Variants in IRAK2 observed in about 807,000 individuals in gnomAD.
IRAK2 encodes interleukin-1 receptor-associated kinase-like 2.
In IRAK2, 57 loss-of-function variants were observed where a neutral mutation model predicts 72.0. The observed-to-expected ratio is 0.79, with a 90% CI of 0.64 to 0.99. IRAK2 has a LOEUF of 0.99. Ranked by LOEUF, IRAK2 falls within the 50% of genes least tolerant of loss-of-function variation. The pLI is 0.00. For synonymous variants in IRAK2, 293 were observed against 312.7 expected, an observed-to-expected ratio of 0.94 and a Z score of 0.67; for missense variants, 790 against 794.4, an observed-to-expected ratio of 0.99 and a Z score of 0.07.
chr3:10,210,615 G>A (rs1559447958), intron 4 of IRAK2, among the ~76,000 whole-genome samples: 1 of 151,732 alleles, frequency 6.6e-6, no homozygotes, highest in Admixed American at 6.6e-5. Context: ...TCCCAGGTGT[G>A]GTGTCACATG....
At chr3:10,213,944 T>A (rs1276477759) in intron 6 of IRAK2, among the ~76,000 whole-genome samples, 1 of 152,128 alleles carries the variant, frequency 6.6e-6, no homozygotes, top group East Asian at 1.9e-4. Context: ...TTTTTTGTTT[T>A]TTGAGACAGA....
chr3:10,191,563 C>T (rs534766822), intron 2 of IRAK2, among the ~76,000 whole-genome samples: 75 of 152,150 alleles, frequency 4.9e-4, no homozygotes, highest in Admixed American at 2.1e-3. Context: ...CCTTCACTTG[C>T]GGGGATATGC....
intron 2 of IRAK2, among the ~76,000 whole-genome samples, chr3:10,186,719 A>G (rs554918728): frequency 3.5e-4 from 53 of 151,074 alleles, no homozygotes; most frequent in Admixed American, 9.9e-4. Context: ...GAGATCCCCC[A>G]AGATGGGGAT....
intron 10 of IRAK2, among the ~76,000 whole-genome samples, chr3:10,231,203 T>C (rs938136468): frequency 1.3e-5 from 2 of 152,168 alleles, no homozygotes; most frequent in African/African-American, 4.8e-5. Context: ...TAGCAGAAAA[T>C]AATATAATCC....
intron 1 of IRAK2, among the ~76,000 whole-genome samples, chr3:10,175,976 G>C (rs576943408): frequency 9.8e-4 from 147 of 150,622 alleles, no homozygotes; most frequent in African/African-American, 2.8e-3. Flanking sequence ...CATCTATGTA[G>C]AGGGGGTGAT....
At chr3:10,198,797 A>G (rs990532251) in intron 2 of IRAK2, among the ~76,000 whole-genome samples, 2 of 151,982 alleles carry the variant, frequency 1.3e-5, no homozygotes, top group African/African-American at 4.8e-5. Context: ...TCCCAGCCCT[A>G]CCTGGGACAT....
intron 11 of IRAK2, among the ~76,000 whole-genome samples, chr3:10,234,943 C>G (rs938408739): frequency 6.6e-6 from 1 of 152,208 alleles, no homozygotes; most frequent in Non-Finnish European, 1.5e-5. Flanking sequence ...TCTCTATAGG[C>G]CCCTTCCCCT....
chr3:10,165,697 T>C (rs2125137315), intron 1 of IRAK2, among the ~76,000 whole-genome samples: 1 of 145,758 alleles, frequency 6.9e-6, no homozygotes, highest in Non-Finnish European at 1.5e-5. Flanking sequence ...GGTTTCACCA[T>C]GTTGGCCAGA....
At chr3:10,190,926 A>C (rs1386553522) in intron 2 of IRAK2, among the ~76,000 whole-genome samples, 1 of 152,140 alleles carries the variant, frequency 6.6e-6, no homozygotes, top group Non-Finnish European at 1.5e-5. Flanking sequence ...GTGGCTGGGG[A>C]AGAGAGGGTT....
intron 2 of IRAK2, among the ~76,000 whole-genome samples, chr3:10,197,054 T>C (rs1167024822): frequency 2.0e-5 from 3 of 152,038 alleles, no homozygotes; most frequent in African/African-American, 7.2e-5. Flanking sequence ...AATTCTATGA[T>C]ATGAATAAAT....
intron 2 of IRAK2, among the ~76,000 whole-genome samples, chr3:10,186,936 A>G (rs1697084971): frequency 6.7e-6 from 1 of 149,250 alleles, no homozygotes; most frequent in Admixed American, 6.6e-5. Context: ...AGTAGCTAGG[A>G]CTATAAGTGC....
At chr3:10,239,368 C>T (rs537802847) in intron 12 of IRAK2, among the ~76,000 whole-genome samples, 4 of 152,296 alleles carry the variant, frequency 2.6e-5, no homozygotes, top group African/African-American at 7.2e-5. Flanking sequence ...ATCCTGGCCC[C>T]TCCCTCACTA....
intron 2 of IRAK2, among the ~76,000 whole-genome samples, chr3:10,189,253 G>T (rs757989147): frequency 9.2e-5 from 14 of 152,192 alleles, no homozygotes; most frequent in Non-Finnish European, 1.5e-4. Context: ...AGTGGACCAA[G>T]AAGTGAAGGA....
At chr3:10,241,635 G>A (rs867321674) in intron 12 of IRAK2, among the ~76,000 whole-genome samples, 6 of 150,946 alleles carry the variant, frequency 4.0e-5, no homozygotes, top group Non-Finnish European at 7.4e-5. Flanking sequence ...GGTGGCTCAC[G>A]CCTGTCTGTA....
At chr3:10,187,257 A>G (rs1358749169) in intron 2 of IRAK2, among the ~76,000 whole-genome samples, 1 of 147,768 alleles carries the variant, frequency 6.8e-6, no homozygotes, top group Non-Finnish European at 1.5e-5. Context: ...ATTTTGTAAA[A>G]TGAAGCCCTT....
intron 1 of IRAK2, 97 bp downstream of exon 1, chr3:10,165,145 C>T (rs1223191794): frequency 9.5e-7 from 1 of 1,051,920 alleles, no homozygotes; most frequent in South Asian, 1.4e-5. Context: ...CACCCGGGTT[C>T]AGCGGGTCCC....
chr3:10,167,886 C>T (rs1696721894), intron 1 of IRAK2, among the ~76,000 whole-genome samples: 1 of 152,204 alleles, frequency 6.6e-6, no homozygotes, highest in Non-Finnish European at 1.5e-5. Context: ...CTCACCGCAG[C>T]CCCAACTTCC....
At chr3:10,168,882 C>G (rs1420569197) in intron 1 of IRAK2, among the ~76,000 whole-genome samples, 1 of 152,192 alleles carries the variant, frequency 6.6e-6, no homozygotes, top group African/African-American at 2.4e-5. Flanking sequence ...CTGGGGCTAG[C>G]TTTCTAGTCT....
intron 2 of IRAK2, among the ~76,000 whole-genome samples, chr3:10,198,217 A>AAACAAAACAT (rs1697302611): frequency 6.6e-6 from 1 of 152,204 alleles, no homozygotes; most frequent in Admixed American, 6.5e-5. Flanking sequence ...AAACAAAACA[A>AAACAAAACAT]AACAAAACGA....
Sources: gnomAD v4.1 joint callset for allele counts (sites outside exome capture counted in the v4.1 genomes callset) on GRCh38, gnomAD v4.1.1 for gene constraint, MANE v1.5 for transcripts, NCBI Gene and HGNC (gene_info 2026-07-23, HGNC 2026-07-21) for gene names.